Variants in DOCK3 observed in about 807,000 individuals in gnomAD.
The protein encoded by DOCK3 is dedicator of cytokinesis 3.
DOCK3 carries 60 observed loss-of-function variants against 265.6 expected under a neutral mutation model. The observed-to-expected ratio is 0.23, with a 90% CI of 0.18 to 0.28. DOCK3 has a LOEUF of 0.28. DOCK3 is among the 10% of genes least tolerant of loss of function. DOCK3 has a pLI of 1.00. For synonymous variants in DOCK3, 881 were observed against 938.0 expected, an observed-to-expected ratio of 0.94 and a Z score of 1.11; for missense variants, 1,981 against 2,594.3, an observed-to-expected ratio of 0.76 and a Z score of 5.14.
rs141685811 is a variant in DOCK3 at position 50,871,903 on chromosome 3, T to C, written c.163-18123T>C. On this transcript the variant is annotated intron_variant, in intron 3 of 52. Transcript: ENST00000266037. ...TTATTTTAAATTATTTCGATCTCTTTGCTAAATTTACCTGATAGAATTCTG... is the reference window on the plus strand; with the variant it reads ...TTATTTTAAATTATTTCGATCTCTTCGCTAAATTTACCTGATAGAATTCTG... 6.2e-4 allele frequency among the ~76,000 whole-genome samples: 94 copies of C among 152,348 alleles called. 1 individual carries two copies. The East Asian group carries it at 0.017, about 27-fold the overall frequency.
chr3:50,827,191 G>A (rs866396827), intron 2 of DOCK3, among the ~76,000 whole-genome samples: 2 of 152,054 alleles, frequency 1.3e-5, no homozygotes, highest in African/African-American at 4.8e-5. Context: ...AGTAGAGGAG[G>A]GTCTTCAAAA....
At chr3:51,051,063 A>C (rs956695372) in intron 5 of DOCK3, among the ~76,000 whole-genome samples, 4 of 152,204 alleles carry the variant, frequency 2.6e-5, no homozygotes, top group Non-Finnish European at 1.5e-5. Context: ...TTGAGAAAAA[A>C]AATTGTAAAT....
At position 50,913,670 on chromosome 3, in the gene DOCK3, T is replaced by G. The variant is rs138334427; in HGVS notation, c.219-20311T>G. Among the ~76,000 whole-genome samples the G allele has an allele frequency of 7.9e-4, 121 of 152,240 alleles. No individual in the cohort carries two copies. The Middle Eastern group carries it at 0.014, about 17-fold the overall frequency. On this transcript the variant is annotated intron_variant, in intron 4 of 52. Transcript: ENST00000266037. ...TCTGGCTACAGCTGGTTTACAATGA[T>G]CCCTTCGTTGGTGGGCATCAGCTGA...
intron 1 of DOCK3, among the ~76,000 whole-genome samples, chr3:50,756,243 A>G (rs2040155215): frequency 6.6e-6 from 1 of 152,208 alleles, no homozygotes. Flanking sequence ...GTGTTTCCAG[A>G]GGATGGTCAT....
At chr3:50,953,985 AT>A (rs1200941374) in intron 5 of DOCK3, among the ~76,000 whole-genome samples, 8 of 152,168 alleles carry the variant, frequency 5.3e-5, no homozygotes, top group African/African-American at 1.9e-4. Context: ...GTTCAGTGGT[AT>A]TAAGTACGTT....
chr3:50,774,942 A>AT (rs1211368962), intron 1 of DOCK3, among the ~76,000 whole-genome samples: 1 of 151,766 alleles, frequency 6.6e-6, no homozygotes, highest in East Asian at 1.9e-4. Context: ...TGATCATATG[A>AT]TTTTTTTCCT....
In DOCK3 at chr3:51,062,159, A is replaced by G. The variant is rs189164512; in HGVS notation, c.316-2289A>G. 2.7e-3 allele frequency among the ~76,000 whole-genome samples: 416 copies of G among 152,300 alleles called. 5 individuals are homozygous for G. The highest frequency in any genetic ancestry group is 9.0e-3 in the African/African-American group (376 of 41,562). On this transcript the variant is annotated intron_variant, in intron 5 of 52. Coordinates refer to ENST00000266037, the MANE Select transcript of DOCK3 (RefSeq NM_004947.5). ...ATGGTTTATCTTCAATAGAGCACTC[A>G]GAGTGATGCTTTCGAGACTTAAGTC... is the stretch of plus-strand genomic sequence containing the variant.
intron 5 of DOCK3, among the ~76,000 whole-genome samples, chr3:50,977,648 C>A (rs1019119011): frequency 1.3e-5 from 2 of 152,084 alleles, no homozygotes; most frequent in Non-Finnish European, 2.9e-5. Context: ...CGAGGAGTAT[C>A]TTTGTGGTGG....
At chr3:51,368,928 G>C (rs2087464510) in intron 49 of DOCK3, among the ~76,000 whole-genome samples, 1 of 152,154 alleles carries the variant, frequency 6.6e-6, no homozygotes. Context: ...AGGCAAACAG[G>C]GTCTGGAGTG....
chr3:51,282,431 C>T (rs1289047679), intron 27 of DOCK3, among the ~76,000 whole-genome samples: 1 of 152,038 alleles, frequency 6.6e-6, no homozygotes. Flanking sequence ...GGCAGATCAC[C>T]TGAGGTCGGG....
chr3:50,715,529 C>T (rs1425112067), intron 1 of DOCK3, among the ~76,000 whole-genome samples: 1 of 151,142 alleles, frequency 6.6e-6, no homozygotes, highest in Non-Finnish European at 1.5e-5. Flanking sequence ...GCAGCCTGGG[C>T]AACAGAGCAA....
At chr3:50,681,825 CA>C (rs1480800234) in intron 1 of DOCK3, among the ~76,000 whole-genome samples, 1 of 152,182 alleles carries the variant, frequency 6.6e-6, no homozygotes, top group Non-Finnish European at 1.5e-5. Flanking sequence ...AAGTGAGAAC[CA>C]ACATGATAGA....
chr3:50,715,198 C>T (rs921447255), intron 1 of DOCK3, among the ~76,000 whole-genome samples: 2 of 152,082 alleles, frequency 1.3e-5, no homozygotes, highest in African/African-American at 2.4e-5. Flanking sequence ...TAACTTTGCT[C>T]GGGTGGATCA....
At chr3:50,971,767 C>CTTAG (rs1269161049) in intron 5 of DOCK3, among the ~76,000 whole-genome samples, 1 of 152,174 alleles carries the variant, frequency 6.6e-6, no homozygotes, top group Non-Finnish European at 1.5e-5. Context: ...ACACAGTGGC[C>CTTAG]TTAGATCCCT....
intron 9 of DOCK3, among the ~76,000 whole-genome samples, chr3:51,118,461 A>G (rs1472298990): frequency 3.3e-5 from 5 of 152,216 alleles, no homozygotes; most frequent in Non-Finnish European, 5.9e-5. Context: ...AGTTCTGTCT[A>G]TGTCTATTAG....
At chr3:51,070,747 G>A (rs1397118928) in intron 6 of DOCK3, among the ~76,000 whole-genome samples, 2 of 152,060 alleles carry the variant, frequency 1.3e-5, no homozygotes, top group African/African-American at 4.8e-5. Context: ...CTGGGCTGCG[G>A]ACCCCTGTTA....
At position 51,333,589 on chromosome 3, in the gene DOCK3, C is replaced by T. The variant is rs372970334; in HGVS notation, c.3611+336C>T. On this transcript the variant is annotated intron_variant, in intron 35 of 52. Transcript: ENST00000266037. ...CAAGAGGGAAGAGTAAAGCTGTCTC[C>T]AGAGCAGGGCAGGGAACAGCTGTAG... Among the ~76,000 whole-genome samples, 10 of 152,156 alleles carry T rather than the reference C, an allele frequency of 6.6e-5. No homozygotes were observed. The East Asian group carries it at 9.6e-4, about 15-fold the overall frequency.
intron 32 of DOCK3, among the ~76,000 whole-genome samples, chr3:51,316,404 A>T (rs774202370): frequency 3.3e-5 from 5 of 152,240 alleles, no homozygotes; most frequent in Non-Finnish European, 7.3e-5. Flanking sequence ...TTTGTGGATT[A>T]TAAATAAAGC....
intron 9 of DOCK3, among the ~76,000 whole-genome samples, chr3:51,121,548 C>G (rs2084018633): frequency 6.6e-6 from 1 of 152,096 alleles, no homozygotes; most frequent in Non-Finnish European, 1.5e-5. Context: ...GGGCATTATT[C>G]CACAGGGACT....
Sources: allele counts gnomAD v4.1 joint callset (sites outside exome capture counted in the v4.1 genomes callset), GRCh38; gene constraint gnomAD v4.1.1; transcripts MANE v1.5; gene names NCBI Gene and HGNC (gene_info 2026-07-23, HGNC 2026-07-21).